LSG1: variants seen among roughly 807,000 people sequenced by gnomAD.
The protein encoded by LSG1 is large 60S subunit nuclear export GTPase 1, also known as large subunit GTPase 1 homolog.
In LSG1, 55 loss-of-function variants were observed where a neutral mutation model predicts 82.6. The ratio of observed to expected loss-of-function variants is 0.67; its 90% CI spans 0.54 to 0.83. LSG1 has a LOEUF of 0.83. LSG1 is among the 40% of genes least tolerant of loss of function. LSG1 has a pLI of 0.00. For synonymous variants in LSG1, 272 were observed against 282.5 expected (o/e 0.96, Z 0.37); for missense variants, 809 against 807.9 (o/e 1.00, Z -0.02).
At chr3:194,667,838 G>A (rs1047310782) in intron 2 of LSG1, among the ~76,000 whole-genome samples, 37 of 146,770 alleles carry the variant, frequency 2.5e-4, no homozygotes, top group African/African-American at 6.6e-4. Context: ...CAGGAGAACC[G>A]CTTGAACCTG....
intron 5 of LSG1, among the ~76,000 whole-genome samples, chr3:194,664,525 A>G (rs1718993298): frequency 6.6e-6 from 1 of 152,196 alleles, no homozygotes; most frequent in South Asian, 2.1e-4. Flanking sequence ...ACTTCTAACA[A>G]TCAGGAATTC....
At chr3:194,657,138 T>TA (rs1357385312) in intron 7 of LSG1, among the ~76,000 whole-genome samples, 1 of 145,520 alleles carries the variant, frequency 6.9e-6, no homozygotes, top group East Asian at 2.0e-4. Context: ...CCCTAAAACT[T>TA]AAAGTATAAT....
intron 5 of LSG1, among the ~76,000 whole-genome samples, chr3:194,665,271 T>A (rs991322652): frequency 6.6e-6 from 1 of 152,228 alleles, no homozygotes; most frequent in Non-Finnish European, 1.5e-5. Context: ...TTTTCCACAT[T>A]ACCAGTAGAA....
intron 11 of LSG1, among the ~76,000 whole-genome samples, chr3:194,648,053 C>T (rs913351376): frequency 3.3e-5 from 5 of 150,556 alleles, no homozygotes; most frequent in African/African-American, 4.9e-5. Context: ...CACCCACGCA[C>T]GGAAATGTTT....
At chr3:194,665,674 G>C (rs1454531113) in intron 4 of LSG1, 31 bp from the exon 5 acceptor site, 1 of 1,368,544 alleles carries the variant, frequency 7.3e-7, no homozygotes. Flanking sequence ...TTATATATTT[G>C]CCAGATTATA....
intron 7 of LSG1, among the ~76,000 whole-genome samples, chr3:194,657,263 C>G (rs894003770): frequency 6.6e-6 from 1 of 151,330 alleles, no homozygotes; most frequent in African/African-American, 2.4e-5. Context: ...TTGGACCTAG[C>G]CTGTTCAACG....
In LSG1 at chr3:194,644,642, T is replaced by C; in HGVS notation, c.1728A>G (p.Lys576=). 1 of 1,613,434 alleles carries C rather than the reference T, an allele frequency of 6.2e-7. No individual in the cohort carries two copies. Reference sequence around the variant, plus strand: ...CTTTTTTATTTCTGCCTAGCTGCATTTTTATTTCATCACTGTTCATTTTGT... The same window carrying C: ...CTTTTTTATTTCTGCCTAGCTGCATCTTTATTTCATCACTGTTCATTTTGT... ...LENKMNSDEI[K]MQLGRNKKAK... is the part of the protein sequence containing the mutation. Residue 576 remains lysine (K), a synonymous_variant, in exon 13 of 14, where the codon AAA becomes AAG. Transcript: ENST00000265245.
chr3:194,653,861 T>G (rs1718738890), intron 7 of LSG1, among the ~76,000 whole-genome samples: 1 of 152,126 alleles, frequency 6.6e-6, no homozygotes, highest in South Asian at 2.1e-4. Context: ...ACAGCAAGAC[T>G]GGGTGTCTAC....
intron 1 of LSG1, 61 bp downstream of exon 1, chr3:194,672,003 C>T (rs1403813486): frequency 6.6e-7 from 1 of 1,505,484 alleles, no homozygotes. Context: ...CTTTTGACCC[C>T]GAATTTTGCA....
chr3:194,644,526 T>C (rs749440598), intron 13 of LSG1, 47 bp downstream of exon 13: 3 of 1,495,500 alleles, frequency 2.0e-6, no homozygotes, highest in South Asian at 2.4e-5. Context: ...AAAGCTGTTA[T>C]AAAAAGAGTG....
chr3:194,646,242 G>A lies in LSG1; in HGVS notation c.1545C>T (p.Tyr515=). The change falls in exon 12 of 14, where the codon TAC becomes TAT. Residue 515 remains tyrosine, a splice_region_variant and synonymous_variant. Transcript: ENST00000265245. ...CATGCGCTGTCATGAATCCTCGCAT[G>A]TCTGTGGAGAGAAAAGAATTTTGCA... ...TSEELLTAYG[Y]MRGFMTAHGQ... is the part of the protein sequence containing the mutation. 2 of 1,613,324 alleles carry A rather than the reference G, an allele frequency of 1.2e-6. No individual in the cohort carries two copies. The highest frequency in any genetic ancestry group is 1.7e-6 in the Non-Finnish European group (2 of 1,179,700).
At chr3:194,661,883 G>C (rs1358469944) in intron 5 of LSG1, among the ~76,000 whole-genome samples, 1 of 152,144 alleles carries the variant, frequency 6.6e-6, no homozygotes, top group Non-Finnish European at 1.5e-5. Context: ...GCTGAAGCTA[G>C]AAGTTTCAAC....
chr3:194,665,543 A>C lies in LSG1; in HGVS notation c.521+14T>G. The C allele has an allele frequency of 1.3e-6, 2 of 1,594,496 alleles. No homozygotes were observed. The highest frequency in any genetic ancestry group is 1.7e-6 in the Non-Finnish European group (2 of 1,168,710). ...TACAATGTCTTTATTACACAAAAGA[A>C]AATGATAATTCACCTTCTCTCAATG... On this transcript the variant is annotated intron_variant, in intron 5 of 13. Transcript: ENST00000265245.
chr3:194,655,001 T>C (rs1718763238), intron 7 of LSG1, among the ~76,000 whole-genome samples: 1 of 152,234 alleles, frequency 6.6e-6, no homozygotes, highest in Non-Finnish European at 1.5e-5. Flanking sequence ...AGGCTACTTC[T>C]AATACATTCA....
chr3:194,651,277 A>G (rs1039903369), intron 8 of LSG1, 61 bp from the exon 9 acceptor site: 1 of 1,143,628 alleles, frequency 8.7e-7, no homozygotes, highest in African/African-American at 1.5e-5. Context: ...AGACTCAAAG[A>G]TATGACATAG....
chr3:194,659,027 T>C lies in LSG1; in HGVS notation c.689A>G (p.Glu230Gly). ...GAAAATAACCTTCACATCTTCTTTT[T>C]CGAAGTACATGGCCCAGGCACTCCG... is the stretch of plus-strand genomic sequence containing the variant. ...EQRSAWAMYF[E>G]KEDVKVIFWS... is the part of the protein sequence containing the mutation. Residue 230 changes from glutamate (E) to glycine (G), a missense_variant, in exon 7 of 14, where the codon GAA (glutamate) becomes GGA (glycine). Transcript: ENST00000265245. 6.2e-7 allele frequency: 1 copy of C among 1,614,244 alleles called. No individual in the cohort carries two copies. The highest frequency in any genetic ancestry group is 1.1e-5 in the South Asian group (1 of 91,090).
Position 194,672,124 on chromosome 3 carries a change from T to C in LSG1, c.39A>G (p.Gly13=), listed in dbSNP as rs1437744739. The change falls in exon 1 of 14, where the codon GGA becomes GGG. Residue 13 remains glycine, a synonymous_variant. Transcript: ENST00000265245. ...RRRAPAGGSL[G]RALMRHQTQR... is the part of the protein sequence containing the mutation. ...GAGTCTGATGGCGCATAAGGGCCCG[T>C]CCCAGCGACCCACCGGCCGGGGCTC... 1.9e-6 allele frequency: 3 copies of C among 1,607,536 alleles called. No individual in the cohort carries two copies. The highest frequency in any genetic ancestry group is 2.5e-6 in the Non-Finnish European group (3 of 1,179,936).
At chr3:194,651,521 T>A (rs1392442240) in intron 8 of LSG1, 5 of 346,330 alleles carry the variant, frequency 1.4e-5, no homozygotes, top group Non-Finnish European at 2.7e-5. Context: ...CTGCCCCATC[T>A]ACAGACAGTG....
rs1718868389 is a variant in LSG1, at chr3:194,659,084, A to T, written c.632T>A (p.Ile211Asn). Residue 211 changes from isoleucine (I) to asparagine (N), a missense_variant, in exon 7 of 14, where the codon ATC becomes AAC. Transcript: ENST00000265245. Reference protein sequence around the residue: ...MDANKENVILINKADLLTAEQ... With the variant: ...MDANKENVILNNKADLLTAEQ... ...AGCAGTCAGCAAGTCTGCCTTGTTG[A>T]TCAGAATGACGTTCTCCTTATTGGC... 2 of 1,614,058 alleles carry T rather than the reference A, an allele frequency of 1.2e-6. No homozygotes were observed. Among genetic ancestry groups the T allele is most frequent in the South Asian group, 2.2e-5 (2 of 91,080 alleles).
Sources: allele counts gnomAD v4.1 joint callset (sites outside exome capture counted in the v4.1 genomes callset), GRCh38; gene constraint gnomAD v4.1.1; transcripts MANE v1.5; gene names NCBI Gene and HGNC (gene_info 2026-07-23, HGNC 2026-07-21).